Variants in GRIN2A observed in about 807,000 individuals in gnomAD.
GRIN2A encodes glutamate receptor ionotropic, NMDA 2A.
Under a neutral mutation model 113.4 loss-of-function variants are expected in GRIN2A, and 22 were observed. That is an observed-to-expected ratio of 0.19 (90% CI 0.14 to 0.28). GRIN2A has a LOEUF of 0.28. GRIN2A is among the 10% of genes least tolerant of loss of function. The probability of loss-of-function intolerance (pLI) is 1.00; values close to 1 mark genes in which losing one functional copy is unlikely to be tolerated. For synonymous variants in GRIN2A, 827 were observed against 738.4 expected (o/e 1.12, Z -1.94); for missense variants, 1,502 against 1,887.0 (o/e 0.80, Z 3.78).
At chr16:9,982,132 G>T (rs1280630888) in intron 2 of GRIN2A, among the ~76,000 whole-genome samples, 2 of 151,944 alleles carry the variant, frequency 1.3e-5, no homozygotes, top group Non-Finnish European at 2.9e-5. Flanking sequence ...TTGCATTTTT[G>T]GTTTTAAAAA....
chr16:9,780,397 C>G (rs189452681), intron 11 of GRIN2A, among the ~76,000 whole-genome samples: 2 of 151,746 alleles, frequency 1.3e-5, no homozygotes, highest in African/African-American at 2.4e-5. Flanking sequence ...CACCCAGCAA[C>G]GAAAAAAAAT....
intron 9 of GRIN2A, among the ~76,000 whole-genome samples, chr16:9,827,131 T>C (rs925076679): frequency 2.6e-5 from 4 of 152,250 alleles, no homozygotes; most frequent in African/African-American, 9.6e-5. Context: ...TCATCCTTAC[T>C]GCAATTGTGA....
chr16:9,893,687 G>A (rs998959523), intron 3 of GRIN2A, among the ~76,000 whole-genome samples: 7 of 152,074 alleles, frequency 4.6e-5, no homozygotes, highest in African/African-American at 1.4e-4. Context: ...GGCTGGTCCC[G>A]AACTCCTGAC....
chr16:10,102,781 C>G (rs991547964), intron 2 of GRIN2A, among the ~76,000 whole-genome samples: 1 of 152,136 alleles, frequency 6.6e-6, no homozygotes, highest in Non-Finnish European at 1.5e-5. Flanking sequence ...GGTAACTTGT[C>G]TAAGACCACA....
intron 2 of GRIN2A, among the ~76,000 whole-genome samples, chr16:10,052,479 T>G (rs778806368): frequency 6.6e-6 from 1 of 152,194 alleles, no homozygotes; most frequent in African/African-American, 2.4e-5. Flanking sequence ...CCCCAAGACC[T>G]AGGCCCTGTC....
intron 2 of GRIN2A, among the ~76,000 whole-genome samples, chr16:9,979,474 T>C (rs1025115266): frequency 6.6e-6 from 1 of 152,162 alleles, no homozygotes; most frequent in Admixed American, 6.5e-5. Flanking sequence ...CTCCTTTTTA[T>C]CCTTCAGATT....
chr16:10,060,824 C>T (rs1350009906), intron 2 of GRIN2A, among the ~76,000 whole-genome samples: 1 of 152,156 alleles, frequency 6.6e-6, no homozygotes, highest in African/African-American at 2.4e-5. Context: ...AGCTATATGG[C>T]CTTCCATTCA....
intron 2 of GRIN2A, among the ~76,000 whole-genome samples, chr16:10,056,829 C>T (rs962650046): frequency 4.6e-5 from 7 of 152,110 alleles, no homozygotes; most frequent in Admixed American, 3.9e-4. Context: ...ATGCCAGAAC[C>T]TTGATTTTGA....
chr16:10,161,145 G>A (rs193165913), intron 2 of GRIN2A, among the ~76,000 whole-genome samples: 1 of 152,300 alleles, frequency 6.6e-6, no homozygotes, highest in African/African-American at 2.4e-5. Flanking sequence ...TCATGAGAAT[G>A]GTTACCCCCA....
At chr16:10,042,010 A>T (rs569686709) in intron 2 of GRIN2A, among the ~76,000 whole-genome samples, 275 of 152,242 alleles carry the variant, frequency 1.8e-3, no homozygotes, top group African/African-American at 6.2e-3. Flanking sequence ...CTCCTTGTGC[A>T]ATGATTGCAC....
At chr16:9,828,940 A>T (rs935967762) in intron 9 of GRIN2A, among the ~76,000 whole-genome samples, 5 of 152,214 alleles carry the variant, frequency 3.3e-5, no homozygotes, top group Non-Finnish European at 7.3e-5. Context: ...ATTTGGCTGT[A>T]TGGAAAAGAG....
At chr16:9,962,060 T>C (rs931647035) in intron 2 of GRIN2A, among the ~76,000 whole-genome samples, 2 of 152,218 alleles carry the variant, frequency 1.3e-5, no homozygotes, top group East Asian at 1.9e-4. Context: ...CCTAGCCATA[T>C]GTAGAAAGCT....
At chr16:9,840,205 G>A (rs2042648866) in intron 7 of GRIN2A, among the ~76,000 whole-genome samples, 1 of 152,130 alleles carries the variant, frequency 6.6e-6, no homozygotes, top group South Asian at 2.1e-4. Context: ...GGAGTCCCCA[G>A]GAAACTTACA....
At chr16:9,939,135 A>G (rs2044792856) in intron 2 of GRIN2A, among the ~76,000 whole-genome samples, 1 of 152,152 alleles carries the variant, frequency 6.6e-6, no homozygotes, top group African/African-American at 2.4e-5. Flanking sequence ...TACCTTTTCA[A>G]TCAACAAATA....
At chr16:10,073,544 C>T (rs941937715) in intron 2 of GRIN2A, among the ~76,000 whole-genome samples, 2 of 152,022 alleles carry the variant, frequency 1.3e-5, no homozygotes, top group African/African-American at 4.8e-5. Context: ...AAAACCAGTA[C>T]AGCATTAAGA....
chr16:9,952,922 T>C (rs2045217343), intron 2 of GRIN2A, among the ~76,000 whole-genome samples: 1 of 150,938 alleles, frequency 6.6e-6, no homozygotes, highest in African/African-American at 2.4e-5. Flanking sequence ...AGACAGGGAG[T>C]GAAAAAAAGA....
chr16:9,784,967 A>G (rs1902144681), intron 11 of GRIN2A, among the ~76,000 whole-genome samples: 1 of 152,242 alleles, frequency 6.6e-6, no homozygotes, highest in Non-Finnish European at 1.5e-5. Flanking sequence ...ATGTGGAGAA[A>G]TAGGAACACT....
At chr16:10,040,779 C>G (rs2047152464) in intron 2 of GRIN2A, among the ~76,000 whole-genome samples, 1 of 152,236 alleles carries the variant, frequency 6.6e-6, no homozygotes, top group Non-Finnish European at 1.5e-5. Flanking sequence ...AGCTGCGCTC[C>G]GACACTGCAT....
chr16:9,788,405 C>G (rs1902368376), intron 11 of GRIN2A, among the ~76,000 whole-genome samples: 1 of 151,748 alleles, frequency 6.6e-6, no homozygotes, highest in Admixed American at 6.6e-5. Context: ...TTATAGGTAC[C>G]TACCACCATG....
Sources: allele counts gnomAD v4.1 joint callset (sites outside exome capture counted in the v4.1 genomes callset), GRCh38; gene constraint gnomAD v4.1.1; transcripts MANE v1.5; gene names NCBI Gene and HGNC (gene_info 2026-07-23, HGNC 2026-07-21).